Variants in C2CD3 observed in about 807,000 individuals in gnomAD.
C2CD3 encodes C2 domain-containing protein 3.
A neutral mutation model predicts 234.0 loss-of-function variants in C2CD3; 148 were observed. The observed-to-expected ratio is 0.63, with a 90% confidence interval of 0.55 to 0.72. The LOEUF (loss-of-function observed/expected upper bound fraction) is 0.72, where lower values mean the gene tolerates loss of function less well. Ranked by LOEUF, C2CD3 falls within the 30% of genes least tolerant of loss-of-function variation. C2CD3 has a pLI of 0.00. For synonymous variants in C2CD3, 1,000 were observed against 1,035.4 expected (o/e 0.97, Z 0.66); for missense variants, 2,577 against 2,811.5 (o/e 0.92, Z 1.89).
rs1186272597 is a variant in C2CD3, at chr11:74,092,548, C to T, written c.3385G>A (p.Gly1129Arg). 4.3e-6 allele frequency: 7 copies of T among 1,613,872 alleles called. No homozygotes were observed. Among genetic ancestry groups the T allele is most frequent in the Non-Finnish European group, 5.9e-6 (7 of 1,179,872 alleles). The change falls in exon 19 of 33, where the codon GGA becomes AGA. Residue 1129 changes from glycine to arginine, a missense_variant. By Grantham distance (125) the Gly-to-Arg change is moderately radical. Transcript: ENST00000334126. ...CAGATCCTTGATAATGGCAAGGTTC[C>T]TTTGGCGACCTTCTGGTCTCTCACA... ...PNVRDQKVAK[G>R]TLPLSRICAM...
intron 5 of C2CD3, among the ~76,000 whole-genome samples, chr11:74,135,053 T>TA (rs768443160): frequency 3.3e-5 from 5 of 151,826 alleles, no homozygotes; most frequent in Admixed American, 6.6e-5. Context: ...CTTAAAAACT[T>TA]AAAAAAAATC....
chr11:74,037,918 C>T (rs1486149910), intron 29 of C2CD3, among the ~76,000 whole-genome samples: 1 of 152,146 alleles, frequency 6.6e-6, no homozygotes, highest in Admixed American at 6.5e-5. Flanking sequence ...TTTTGTCTGT[C>T]TAATGCGATT....
intron 1 of C2CD3, among the ~76,000 whole-genome samples, chr11:74,169,439 C>T (rs1324464694): frequency 6.6e-5 from 10 of 152,128 alleles, no homozygotes; most frequent in Admixed American, 5.9e-4. Flanking sequence ...ATTATTTATA[C>T]CTTTTTTTTC....
intron 9 of C2CD3, 66 bp downstream of exon 9, chr11:74,118,162 T>C (rs956362896): frequency 1.5e-6 from 2 of 1,324,144 alleles, no homozygotes; most frequent in Non-Finnish European, 2.1e-6. Context: ...CATTTCACCT[T>C]GGGAGATCTT....
intron 15 of C2CD3, among the ~76,000 whole-genome samples, chr11:74,099,853 G>A (rs1329014730): frequency 1.3e-5 from 2 of 149,736 alleles, no homozygotes; most frequent in African/African-American, 4.9e-5. Flanking sequence ...CCGAGATCGT[G>A]CCACTGCACT....
intron 31 of C2CD3, among the ~76,000 whole-genome samples, chr11:74,033,038 GATAA>G (rs1459676380): frequency 6.6e-6 from 1 of 152,148 alleles, no homozygotes; most frequent in Non-Finnish European, 1.5e-5. Flanking sequence ...TCTTTCAACT[GATAA>G]ATAGTCTCAT....
rs1445701036 is a variant in C2CD3, at chr11:74,161,437, T to C, written c.445A>G (p.Ile149Val). 3 of 1,599,768 alleles carry C rather than the reference T, an allele frequency of 1.9e-6. No homozygotes were observed. The highest frequency in any genetic ancestry group is 2.7e-5 in the African/African-American group (2 of 74,084). ...AGTTTCTTAGACGTTGATGAAACAA[T>C]GGTAAAAAATCCATTGATTTGATGG... ...PTHQINGFFT[I>V]VSSTSKKLGE... Residue 149 changes from isoleucine to valine, a missense_variant, in exon 3 of 33, where the codon ATT (isoleucine) becomes GTT (valine). Coordinates refer to ENST00000334126, the MANE Select transcript of C2CD3 (RefSeq NM_001286577.2).
intron 32 of C2CD3, among the ~76,000 whole-genome samples, chr11:74,023,262 G>C (rs1351872692): frequency 6.6e-6 from 1 of 152,236 alleles, no homozygotes; most frequent in Non-Finnish European, 1.5e-5. Context: ...TGGGCTGTTA[G>C]CCCTGACCCG....
chr11:74,078,271 A>G lies in C2CD3; in HGVS notation c.4447T>C (p.Trp1483Arg). 6.2e-7 allele frequency: 1 copy of G among 1,614,136 alleles called. No individual in the cohort carries two copies. The highest frequency in any genetic ancestry group is 8.5e-7 in the Non-Finnish European group (1 of 1,180,020). Residue 1483 changes from tryptophan to arginine, a missense_variant, in exon 23 of 33, where the codon TGG becomes CGG. Transcript: ENST00000334126. ...AEVTRGPSLL[W>R]YFREERLEIQ... ...TCTAGCCTCTCCTCCCTGAAGTACC[A>G]AAGCAGTGATGGGCCCCTGGTGACT... is the stretch of plus-strand genomic sequence containing the variant.
At chr11:74,129,331 C>T (rs1234396080) in intron 7 of C2CD3, 56 of 168,116 alleles carry the variant, frequency 3.3e-4, no homozygotes, top group African/African-American at 1.2e-3. Context: ...GGGTGGCTGC[C>T]GGGCAGAGGT....
intron 8 of C2CD3, among the ~76,000 whole-genome samples, chr11:74,122,689 TA>T (rs1158397853): frequency 2.0e-5 from 3 of 152,218 alleles, no homozygotes; most frequent in African/African-American, 7.2e-5. Flanking sequence ...CTCTTCCTTA[TA>T]AAAGCTCTAA....
chr11:74,030,253 T>C (rs11235981), intron 31 of C2CD3, among the ~76,000 whole-genome samples: 10,485 of 152,228 alleles, frequency 0.069, 894 homozygotes, highest in African/African-American at 0.2. Context: ...TTAGTACTTA[T>C]TGTTTTAAGG....
At chr11:74,044,382 G>A (rs1287717614) in intron 28 of C2CD3, among the ~76,000 whole-genome samples, 1 of 151,832 alleles carries the variant, frequency 6.6e-6, no homozygotes, top group Non-Finnish European at 1.5e-5. Flanking sequence ...TTGAACCCGG[G>A]AGGTGGAGGT....
At chr11:74,054,069 G>A (rs142967296) in intron 26 of C2CD3, among the ~76,000 whole-genome samples, 17 of 152,096 alleles carry the variant, frequency 1.1e-4, no homozygotes, top group African/African-American at 3.9e-4. Flanking sequence ...TCAGGAGATC[G>A]AGACCACCCT....
intron 26 of C2CD3, among the ~76,000 whole-genome samples, chr11:74,051,156 T>C (rs1253936408): frequency 2.0e-5 from 3 of 150,550 alleles, no homozygotes; most frequent in Non-Finnish European, 4.4e-5. Context: ...ATTTGTGGGG[T>C]ATAGTGGTGC....
chr11:74,076,315 A>G (rs1190392031), intron 23 of C2CD3, among the ~76,000 whole-genome samples: 1 of 152,170 alleles, frequency 6.6e-6, no homozygotes, highest in East Asian at 1.9e-4. Flanking sequence ...CCACTCAACA[A>G]CAGGGTCAGA....
At chr11:74,101,903 G>C (rs2135494943) in intron 14 of C2CD3, among the ~76,000 whole-genome samples, 1 of 152,186 alleles carries the variant, frequency 6.6e-6, no homozygotes, top group East Asian at 1.9e-4. Flanking sequence ...GAAGGATATA[G>C]GGAATCACGG....
Position 74,103,180 on chromosome 11 carries a change from C to G in C2CD3, c.2531G>C (p.Arg844Thr), listed in dbSNP as rs780014045. The change falls in exon 14 of 33, where the codon AGA (arginine) becomes ACA (threonine). Residue 844 changes from arginine (R) to threonine (T), a missense_variant. By Grantham distance (71) the Arg-to-Thr change is moderately conservative (BLOSUM62 -1). Transcript: ENST00000334126. ...CKLFSTEEVT[R>T]SVIAWGTTQP... ...TGTTGTGCCCCATGCGATGACAGAT[C>G]TGGTGACTTCCTCTGTGCTGAAGAG... The G allele has an allele frequency of 4.3e-6, 7 of 1,614,138 alleles. No homozygotes were observed. The East Asian group carries it at 1.6e-4, about 36-fold the overall frequency.
At chr11:74,047,483 T>C (rs1953440037) in intron 28 of C2CD3, among the ~76,000 whole-genome samples, 1 of 152,238 alleles carries the variant, frequency 6.6e-6, no homozygotes, top group South Asian at 2.1e-4. Context: ...TAGCTCTCTT[T>C]GTACAGAGGA....
Sources: gnomAD v4.1 joint callset for allele counts (sites outside exome capture counted in the v4.1 genomes callset) on GRCh38, gnomAD v4.1.1 for gene constraint, MANE v1.5 for transcripts, NCBI Gene and HGNC (gene_info 2026-07-23, HGNC 2026-07-21) for gene names.